ANXA11: variants seen among roughly 807,000 people sequenced by gnomAD.
ANXA11 encodes 56 kDa autoantigen.
A neutral mutation model predicts 64.7 loss-of-function variants in ANXA11; 57 were observed. That is an observed-to-expected ratio of 0.88 (90% CI 0.71 to 1.10). The LOEUF is 1.10. Ranked by LOEUF, ANXA11 falls within the 50% of genes least tolerant of loss-of-function variation. ANXA11 has a pLI of 0.00. For missense variants in ANXA11, 675 were observed against 670.7 expected (o/e 1.01, Z -0.07); for synonymous variants, 260 against 265.2 (o/e 0.98, Z 0.19).
At chr10:80,178,299 G>A (rs1369095903) in intron 1 of ANXA11, among the ~76,000 whole-genome samples, 1 of 152,122 alleles carries the variant, frequency 6.6e-6, no homozygotes, top group Non-Finnish European at 1.5e-5. Flanking sequence ...CTTGCATGGG[G>A]CAAGAGACAT....
intron 1 of ANXA11, among the ~76,000 whole-genome samples, chr10:80,194,265 C>A (rs1284759322): frequency 6.6e-6 from 1 of 152,198 alleles, no homozygotes; most frequent in African/African-American, 2.4e-5. Flanking sequence ...TGTGAACTCA[C>A]TGCTAGTGCC....
intron 1 of ANXA11, among the ~76,000 whole-genome samples, chr10:80,198,141 G>GC (rs1840257453): frequency 6.6e-6 from 1 of 152,202 alleles, no homozygotes; most frequent in South Asian, 2.1e-4. Flanking sequence ...TGCTTGCACT[G>GC]CCTGCGGGCT....
intron 15 of ANXA11, chr10:80,157,077 T>C: frequency 5.1e-6 from 5 of 980,112 alleles, no homozygotes; most frequent in Non-Finnish European, 4.8e-6. Context: ...CCTCACTCAA[T>C]ACTCACAACA....
intron 14 of ANXA11, 44 bp downstream of exon 14, chr10:80,157,923 C>T (rs756336958): frequency 6.8e-6 from 11 of 1,606,856 alleles, no homozygotes; most frequent in Admixed American, 3.3e-5. Context: ...CAGGCACAGG[C>T]GAGGCTAAGG....
intron 1 of ANXA11, among the ~76,000 whole-genome samples, chr10:80,196,977 A>G (rs1443314895): frequency 6.6e-6 from 1 of 152,224 alleles, no homozygotes; most frequent in African/African-American, 2.4e-5. Context: ...TCTGAAAGAC[A>G]CTTCTTCAAG....
chr10:80,197,400 T>C (rs1220682430), intron 1 of ANXA11, among the ~76,000 whole-genome samples: 1 of 152,206 alleles, frequency 6.6e-6, no homozygotes, highest in East Asian at 1.9e-4. Flanking sequence ...AGGAGCCTTA[T>C]GACCCTGTTT....
intron 6 of ANXA11, 39 bp downstream of exon 6, chr10:80,167,187 G>A (rs369733827): frequency 6.3e-7 from 1 of 1,592,328 alleles, no homozygotes; most frequent in African/African-American, 1.3e-5. Context: ...GGGAAATAGG[G>A]GGCAGGGAGT....
intron 4 of ANXA11, 44 bp downstream of exon 4, chr10:80,170,756 C>T: frequency 7.1e-7 from 1 of 1,416,116 alleles, no homozygotes; most frequent in Non-Finnish European, 9.3e-7. Context: ...TCTGGCCACG[C>T]AGGTGTGGCC....
intron 1 of ANXA11, among the ~76,000 whole-genome samples, chr10:80,201,218 C>T (rs776303906): frequency 3.3e-5 from 5 of 152,148 alleles, no homozygotes; most frequent in South Asian, 2.1e-4. Flanking sequence ...ACCACAGCCG[C>T]GATGCCAAGC....
intron 9 of ANXA11, 77 bp from the exon 10 acceptor site, chr10:80,163,690 TG>T: frequency 7.3e-7 from 1 of 1,367,626 alleles, no homozygotes; most frequent in South Asian, 1.2e-5. Flanking sequence ...CTATCAAAAG[TG>T]GGTACTGGGG....
chr10:80,186,809 C>T (rs1024099571), intron 1 of ANXA11, among the ~76,000 whole-genome samples: 22 of 152,362 alleles, frequency 1.4e-4, no homozygotes, highest in African/African-American at 5.1e-4. Flanking sequence ...CAGCGTCACA[C>T]GCAGATCTCT....
Position 80,161,963 on chromosome 10 carries a change from G to A in ANXA11, c.1152C>T (p.Cys384=). The A allele has an allele frequency of 1.2e-6, 2 of 1,612,458 alleles. No homozygotes were observed. The highest frequency in any genetic ancestry group is 8.5e-7 in the Non-Finnish European group (1 of 1,179,646). ...CTACCAGGTGGGCCCGGCTCCGGGA[G>A]CACAGAACCGCATTGAACTTGGACT... ...TDESKFNAVL[C]SRSRAHLVAV... The change falls in exon 12 of 16, where the codon TGC becomes TGT. Residue 384 remains cysteine (C), a synonymous_variant. Coordinates refer to ENST00000422982, the MANE Select transcript of ANXA11 (RefSeq NM_145868.2).
intron 1 of ANXA11, among the ~76,000 whole-genome samples, chr10:80,186,092 C>T (rs1376749153): frequency 1.3e-5 from 2 of 152,164 alleles, no homozygotes; most frequent in African/African-American, 4.8e-5. Context: ...ACCAGCAACG[C>T]GATCTTGACA....
At chr10:80,196,158 C>A (rs1840152918) in intron 1 of ANXA11, among the ~76,000 whole-genome samples, 1 of 152,202 alleles carries the variant, frequency 6.6e-6, no homozygotes, top group Non-Finnish European at 1.5e-5. Context: ...ACCTCATTAA[C>A]CTCCACAATG....
intron 6 of ANXA11, 33 bp downstream of exon 6, chr10:80,167,193 G>A (rs1356353532): frequency 6.2e-7 from 1 of 1,600,106 alleles, no homozygotes; most frequent in Admixed American, 1.7e-5. Flanking sequence ...TAGGGGGCAG[G>A]GAGTAGGATT....
At position 80,179,657 on chromosome 10, in the gene ANXA11, T is replaced by A. The variant is rs888120762; in HGVS notation, c.-57-3502A>T. Among the ~76,000 whole-genome samples the A allele has an allele frequency of 2.0e-5, 3 of 152,138 alleles. 1 individual carries two copies. The South Asian group carries it at 6.2e-4, about 32-fold the overall frequency. On this transcript the variant is annotated intron_variant, in intron 1 of 15. Coordinates refer to ENST00000422982, the MANE Select transcript of ANXA11 (RefSeq NM_145868.2). ...GGCCAACCTGGAGATCCATTCCTTA[T>A]CTATAAGGAACATCAGAACCCCTAA...
chr10:80,204,038 C>T (rs1179150201), intron 1 of ANXA11, among the ~76,000 whole-genome samples: 1 of 152,218 alleles, frequency 6.6e-6, no homozygotes, highest in Non-Finnish European at 1.5e-5. Flanking sequence ...CTGACTGGTC[C>T]GTACCTGAGC....
chr10:80,168,091 C>T (rs1015472695), intron 5 of ANXA11, among the ~76,000 whole-genome samples: 1 of 152,140 alleles, frequency 6.6e-6, no homozygotes, highest in Non-Finnish European at 1.5e-5. Flanking sequence ...CATACCACTA[C>T]CCCTGTGCTG....
In ANXA11 at chr10:80,166,055, C is replaced by T. The variant is rs568286628; in HGVS notation, c.858+29G>A. 179 of 1,229,252 alleles carry T rather than the reference C, an allele frequency of 1.5e-4. No homozygotes were observed. The African/African-American group carries it at 2.2e-3, about 15-fold the overall frequency. The allele number at this position is 1,229,252 out of a possible 1,614,324, so 76.1% of individuals were successfully genotyped here. On this transcript the variant is annotated intron_variant, in intron 8 of 15. Coordinates refer to ENST00000422982, the MANE Select transcript of ANXA11 (RefSeq NM_145868.2). ...GCACACACGCGCGCACACACACACACACACACACACACACACACACGTACA... is the reference window on the plus strand; with the variant it reads ...GCACACACGCGCGCACACACACACATACACACACACACACACACACGTACA...
Sources: gnomAD v4.1 joint callset for allele counts (sites outside exome capture counted in the v4.1 genomes callset) on GRCh38, gnomAD v4.1.1 for gene constraint, MANE v1.5 for transcripts, NCBI Gene and HGNC (gene_info 2026-07-23, HGNC 2026-07-21) for gene names.